Variants in RPSA2 observed in about 807,000 individuals in gnomAD.
The protein encoded by RPSA2 is small ribosomal subunit protein uS2B.
chr19:23,865,669 C>A, the RPSA2 span, among the ~76,000 whole-genome samples: 1 of 152,066 alleles, frequency 6.6e-6, no homozygotes, highest in African/African-American at 2.4e-5. Context: ...CCTCTGCCAC[C>A]CCCTCCAATA....
chr19:23,855,913 G>A, the RPSA2 span, among the ~76,000 whole-genome samples: 2 of 152,110 alleles, frequency 1.3e-5, no homozygotes, highest in South Asian at 2.1e-4. Flanking sequence ...TTTGGAGAGG[G>A]AAGAGTTAGC....
the RPSA2 span, among the ~76,000 whole-genome samples, chr19:23,828,368 GTC>G: frequency 6.3e-5 from 9 of 142,668 alleles, no homozygotes; most frequent in Admixed American, 2.8e-4. Context: ...TTTCTTTTGA[GTC>G]TCTGTATACT....
At chr19:23,766,394 C>G in the RPSA2 span, among the ~76,000 whole-genome samples, 5 of 151,480 alleles carry the variant, frequency 3.3e-5, no homozygotes, top group Non-Finnish European at 7.4e-5. Context: ...AGGTCTTCCC[C>G]CAATGAGATA....
the RPSA2 span, among the ~76,000 whole-genome samples, chr19:23,814,959 C>T: frequency 1.6e-4 from 25 of 152,260 alleles, no homozygotes; most frequent in Admixed American, 9.8e-4. Flanking sequence ...GATCTTTCCT[C>T]CTCAGTGTCT....
At chr19:23,847,243 G>A in the RPSA2 span, among the ~76,000 whole-genome samples, 2 of 150,256 alleles carry the variant, frequency 1.3e-5, no homozygotes, top group South Asian at 2.1e-4. Flanking sequence ...TATCTCCTTG[G>A]CACATTTCTT....
the RPSA2 span, chr19:23,827,742 C>A: frequency 6.3e-7 from 1 of 1,575,756 alleles, no homozygotes; most frequent in Middle Eastern, 1.7e-4. Flanking sequence ...CGTGAACACC[C>A]ATGGGAGGTC....
chr19:23,848,455 A>C, the RPSA2 span, among the ~76,000 whole-genome samples: 181 of 151,938 alleles, frequency 1.2e-3, no homozygotes, highest in Middle Eastern at 3.4e-3. Context: ...ACTTAATCCA[A>C]GTCATGGGGT....
chr19:23,845,401 C>G, the RPSA2 span, among the ~76,000 whole-genome samples: 1 of 151,796 alleles, frequency 6.6e-6, no homozygotes, highest in East Asian at 2.0e-4. Context: ...AGGCTATAAA[C>G]TGCCCTCTTA....
the RPSA2 span, among the ~76,000 whole-genome samples, chr19:23,820,568 C>G: frequency 6.6e-6 from 1 of 152,182 alleles, no homozygotes; most frequent in African/African-American, 2.4e-5. Context: ...CCTTGGCCTC[C>G]TGTGTCCCTG....
chr19:23,861,419 T>C, the RPSA2 span, among the ~76,000 whole-genome samples: 1 of 152,132 alleles, frequency 6.6e-6, no homozygotes, highest in Non-Finnish European at 1.5e-5. Flanking sequence ...ACCAACAGAA[T>C]TGTAGAATCC....
chr19:23,841,308 C>T, the RPSA2 span, among the ~76,000 whole-genome samples: 5 of 151,864 alleles, frequency 3.3e-5, no homozygotes, highest in Non-Finnish European at 7.4e-5. Context: ...ACTAAAATTA[C>T]AAAAAATCAG....
chr19:23,794,276 C>T, the RPSA2 span, among the ~76,000 whole-genome samples: 149,016 of 152,348 alleles, frequency 0.98, 72,972 homozygotes, highest in Middle Eastern at 1. Context: ...GGAATTACCA[C>T]ACTGCTTTTT....
chr19:23,849,820 C>A, the RPSA2 span, among the ~76,000 whole-genome samples: 1 of 152,144 alleles, frequency 6.6e-6, no homozygotes, highest in South Asian at 2.1e-4. Flanking sequence ...TTAACACAAT[C>A]TTCCCAAATT....
the RPSA2 span, chr19:23,842,566 G>T: frequency 6.5e-6 from 1 of 152,688 alleles, no homozygotes. Flanking sequence ...TAACTTTCAA[G>T]GCTGTGGCCA....
the RPSA2 span, among the ~76,000 whole-genome samples, chr19:23,791,127 A>G: frequency 6.6e-6 from 1 of 152,184 alleles, no homozygotes; most frequent in African/African-American, 2.4e-5. Flanking sequence ...GGGTGTCACA[A>G]TGAAAGTATT....
the RPSA2 span, among the ~76,000 whole-genome samples, chr19:23,864,797 TA>T: frequency 6.6e-6 from 1 of 152,168 alleles, no homozygotes; most frequent in Non-Finnish European, 1.5e-5. Flanking sequence ...AATTAAGATT[TA>T]AATTTTTAAA....
At chr19:23,782,870 C>T in the RPSA2 span, among the ~76,000 whole-genome samples, 1 of 152,076 alleles carries the variant, frequency 6.6e-6, no homozygotes, top group Admixed American at 6.6e-5. Flanking sequence ...TGTGACATGT[C>T]TCTAGGCTTC....
the RPSA2 span, among the ~76,000 whole-genome samples, chr19:23,759,428 T>G: frequency 6.6e-6 from 1 of 151,018 alleles, no homozygotes; most frequent in Non-Finnish European, 1.5e-5. Flanking sequence ...CACCCAGAGT[T>G]CACCTGGCCA....
the RPSA2 span, among the ~76,000 whole-genome samples, chr19:23,769,026 C>T: frequency 6.6e-6 from 1 of 152,298 alleles, no homozygotes; most frequent in Non-Finnish European, 1.5e-5. Context: ...GAGAGAATGA[C>T]TTATTCCTGA....
Sources: gnomAD v4.1 joint callset for allele counts (sites outside exome capture counted in the v4.1 genomes callset) on GRCh38, gnomAD v4.1.1 for gene constraint, MANE v1.5 for transcripts, NCBI Gene and HGNC (gene_info 2026-07-23, HGNC 2026-07-21) for gene names.